Variants in ABCA13 observed in about 807,000 individuals in gnomAD.
ABCA13 encodes the protein ATP binding cassette subfamily A member 13, also known as ATP-binding cassette sub-family A member 13.
In ABCA13, 476 loss-of-function variants were observed where a neutral mutation model predicts 478.7. The observed-to-expected ratio is 0.99, with a 90% CI of 0.92 to 1.07. The LOEUF is 1.07. Among genes scored for constraint, ABCA13 ranks in the 50% least tolerant of loss-of-function variants. The probability of loss-of-function intolerance (pLI) is 0.00; values close to 1 mark genes in which losing one functional copy is unlikely to be tolerated. For synonymous variants in ABCA13, 2,252 were observed against 2,158.9 expected (o/e 1.04, Z -1.20); for missense variants, 6,060 against 5,910.6 (o/e 1.03, Z -0.83).
chr7:48,311,107 G>GGGTTTGTACTAT (rs1413164010), intron 24 of ABCA13, among the ~76,000 whole-genome samples: 3 of 152,142 alleles, frequency 2.0e-5, no homozygotes, highest in Non-Finnish European at 2.9e-5. Context: ...AGAGGCTGCA[G>GGGTTTGTACTAT]GGTTTGTACT....
At chr7:48,319,017 G>A (rs1220122876) in intron 27 of ABCA13, among the ~76,000 whole-genome samples, 1 of 152,152 alleles carries the variant, frequency 6.6e-6, no homozygotes, top group Non-Finnish European at 1.5e-5. Context: ...GATATACTAT[G>A]CTATAAAGAC....
At chr7:48,383,656 G>A (rs768916569) in intron 35 of ABCA13, among the ~76,000 whole-genome samples, 5 of 152,122 alleles carry the variant, frequency 3.3e-5, no homozygotes, top group African/African-American at 4.8e-5. Context: ...TACATCAGAT[G>A]GATATGTGTT....
At position 48,273,290 on chromosome 7, in the gene ABCA13, CATATT is replaced by C. The variant is rs1275266648; in HGVS notation, c.3626_3630del (p.Ile1209LysfsTer4). On this transcript the variant is annotated frameshift_variant, in exon 17 of 62. Transcript: ENST00000435803. LOFTEE classifies it high-confidence loss of function. ...TTCCCACCCATAATGTTGCTAGACTCATATTAAATTTGTTTAAAAATGTAACTCAA... is the reference window on the plus strand; with the variant it reads ...TTCCCACCCATAATGTTGCTAGACTCAAATTTGTTTAAAAATGTAACTCAA... 1.2e-6 allele frequency: 2 copies of C among 1,613,480 alleles called. No individual in the cohort carries two copies. The highest frequency in any genetic ancestry group is 1.7e-6 in the Non-Finnish European group (2 of 1,179,744).
chr7:48,245,996 TTTTA>T lies in ABCA13; in HGVS notation c.1626_1629del (p.Leu543ThrfsTer7). On this transcript the variant is annotated frameshift_variant, in exon 13 of 62. Coordinates refer to ENST00000435803, the MANE Select transcript of ABCA13 (RefSeq NM_152701.5). LOFTEE classifies it high-confidence loss of function. ...TATTGTAACTCCTCTGAGACGAGTG[TTTTA>T]AACAAGCTACTTGGTTCAGTAGAGG... 6.2e-7 allele frequency: 1 copy of T among 1,613,746 alleles called. No homozygotes were observed.
At chr7:48,227,817 A>G (rs2128984914) in intron 6 of ABCA13, among the ~76,000 whole-genome samples, 1 of 152,318 alleles carries the variant, frequency 6.6e-6, no homozygotes, top group South Asian at 2.1e-4. Flanking sequence ...TCACTATTAG[A>G]GATAGGCTTG....
At chr7:48,388,037 G>A in intron 36 of ABCA13, 78 bp downstream of exon 36, 1 of 1,477,586 alleles carries the variant, frequency 6.8e-7, no homozygotes, top group Non-Finnish European at 9.2e-7. Context: ...TGTTTTTATG[G>A]TCCAGCCTTT....
intron 54 of ABCA13, among the ~76,000 whole-genome samples, chr7:48,527,822 G>A (rs2131028462): frequency 6.6e-6 from 1 of 152,068 alleles, no homozygotes; most frequent in South Asian, 2.1e-4. Context: ...GTAGAAGATG[G>A]AATCTTTTAA....
Position 48,310,075 on chromosome 7 carries a change from G to A in ABCA13, c.9450G>A (p.Gly3150=). ...IAAEELCSLP[G]SKVYSLIVLL... ...CGGAGGAACTCTGTAGCCTGCCAGG[G>A]TCAAAAGTGTATTCTCTGATTGTGT... The change falls in exon 24 of 62, where the codon GGG becomes GGA. Residue 3150 remains glycine (G), a synonymous_variant. Transcript: ENST00000435803. 1 of 1,613,868 alleles carries A rather than the reference G, an allele frequency of 6.2e-7. No individual in the cohort carries two copies. Among genetic ancestry groups the A allele is most frequent in the Non-Finnish European group, 8.5e-7 (1 of 1,179,774 alleles).
intron 2 of ABCA13, among the ~76,000 whole-genome samples, chr7:48,196,759 A>G (rs141155670): frequency 1.3e-5 from 2 of 152,138 alleles, no homozygotes; most frequent in East Asian, 3.9e-4. Flanking sequence ...GTTCCTGGAG[A>G]GATAGAGGGG....
At chr7:48,510,876 CT>C (rs1450702087) in intron 50 of ABCA13, among the ~76,000 whole-genome samples, 1 of 151,476 alleles carries the variant, frequency 6.6e-6, no homozygotes, top group African/African-American at 2.4e-5. Context: ...TCTTGAAATA[CT>C]GGGGGTTCAA....
In ABCA13 at chr7:48,274,525, T is replaced by G; in HGVS notation, c.4859T>G (p.Ile1620Ser). 6.2e-7 allele frequency: 1 copy of G among 1,613,856 alleles called. No individual in the cohort carries two copies. The highest frequency in any genetic ancestry group is 1.3e-5 in the African/African-American group (1 of 75,044). Residue 1620 changes from isoleucine to serine, a missense_variant, in exon 17 of 62, where the codon ATT becomes AGT. Around this residue, in one of 3 missense-constraint regions of ABCA13, gnomAD observed 4,423 missense variants for 4,309.1 expected, o/e 1.03. Transcript: ENST00000435803. ...CTCCAAAATTCACCAAAAATAATAA[T>G]TTCACCTGAAATAATGAAAGCTACA... ...HDLQNSPKII[I>S]SPEIMKATGL...
In ABCA13 at chr7:48,375,451, G is replaced by C. The variant is rs1428031396; in HGVS notation, c.11204-990G>C. On this transcript the variant is annotated intron_variant, in intron 34 of 61. Transcript: ENST00000435803. ...CCTGAAGATCAAGATCCAGAAATAG[G>C]TCTAATAAGCATAAAATAGAGTGCA... is the stretch of plus-strand genomic sequence containing the variant. Among the ~76,000 whole-genome samples the C allele has an allele frequency of 2.6e-5, 4 of 152,110 alleles. No homozygotes were observed. The South Asian group carries it at 8.3e-4, about 32-fold the overall frequency.
At chr7:48,560,301 A>G (rs1417385335) in intron 55 of ABCA13, among the ~76,000 whole-genome samples, 1 of 152,122 alleles carries the variant, frequency 6.6e-6, no homozygotes, top group East Asian at 1.9e-4. Context: ...GTGACAGGGC[A>G]GCATTTAGTT....
chr7:48,479,909 A>C (rs1450207863), intron 45 of ABCA13, among the ~76,000 whole-genome samples: 1 of 152,162 alleles, frequency 6.6e-6, no homozygotes, highest in African/African-American at 2.4e-5. Flanking sequence ...GCCTGTTTTC[A>C]TTTTCATTTT....
At chr7:48,416,191 T>C (rs985350829) in intron 41 of ABCA13, among the ~76,000 whole-genome samples, 2 of 152,192 alleles carry the variant, frequency 1.3e-5, no homozygotes, top group African/African-American at 4.8e-5. Flanking sequence ...GATAAATCAA[T>C]GTAAAAATCT....
intron 45 of ABCA13, among the ~76,000 whole-genome samples, chr7:48,479,051 C>T (rs1299359752): frequency 6.9e-6 from 1 of 145,874 alleles, no homozygotes; most frequent in Non-Finnish European, 1.5e-5. Context: ...GGGTTCACGC[C>T]ATTCTCCTGC....
chr7:48,425,847 T>C (rs1821341358), intron 41 of ABCA13, among the ~76,000 whole-genome samples: 1 of 152,096 alleles, frequency 6.6e-6, no homozygotes, highest in Admixed American at 6.5e-5. Context: ...GTTCACGCCA[T>C]TCTCCTGCCT....
rs183753014 is a variant in ABCA13, at chr7:48,205,492, T to G, written c.287+7132T>G. On this transcript the variant is annotated intron_variant, in intron 3 of 61. Transcript: ENST00000435803. ...AGCCATTCCTTGAACTATACCCTGC[T>G]GTCTTACTGTAGCTTTCTAATGTCT... Among the ~76,000 whole-genome samples, 333 of 152,366 alleles carry G rather than the reference T, an allele frequency of 2.2e-3. 3 individuals are homozygous for G. Among genetic ancestry groups the G allele is most frequent in the African/African-American group, 7.7e-3 (319 of 41,584 alleles).
At chr7:48,226,782 A>G (rs1431611684) in intron 5 of ABCA13, among the ~76,000 whole-genome samples, 1 of 152,158 alleles carries the variant, frequency 6.6e-6, no homozygotes, top group Non-Finnish European at 1.5e-5. Context: ...AGAAATCCAA[A>G]GGCTCTATAC....
Sources: gnomAD v4.1 joint callset for allele counts (sites outside exome capture counted in the v4.1 genomes callset) on GRCh38, gnomAD v4.1.1 for gene constraint, gnomAD v4.1.1 regional missense constraint, MANE v1.5 for transcripts, NCBI Gene and HGNC (gene_info 2026-07-23, HGNC 2026-07-21) for gene names.